Variants in NDST3 observed in about 807,000 individuals in gnomAD.
The protein encoded by NDST3 is bifunctional heparan sulfate N-deacetylase/N-sulfotransferase 3.
In NDST3, 58 loss-of-function variants were observed where a neutral mutation model predicts 96.1. That is an observed-to-expected ratio of 0.60 (90% CI 0.49 to 0.75). The LOEUF (loss-of-function observed/expected upper bound fraction) is 0.75. Among genes scored for constraint, NDST3 ranks in the 30% least tolerant of loss-of-function variants. The pLI is 0.00. For synonymous variants in NDST3, 333 were observed against 359.7 expected (o/e 0.93, Z 0.84); for missense variants, 788 against 1,034.2 (o/e 0.76, Z 3.27).
chr4:118,208,522 C>G (rs1341012612), intron 6 of NDST3, among the ~76,000 whole-genome samples: 1 of 144,288 alleles, frequency 6.9e-6, no homozygotes, highest in Non-Finnish European at 1.5e-5. Flanking sequence ...CTGAGGTTAT[C>G]TTTGTGACAA....
At chr4:118,053,121 A>G (rs940545054) in intron 1 of NDST3, among the ~76,000 whole-genome samples, 2 of 151,982 alleles carry the variant, frequency 1.3e-5, no homozygotes, top group Non-Finnish European at 2.9e-5. Context: ...CCTCATATTC[A>G]TCTTACCACA....
At chr4:118,210,051 A>G (rs28576396) in intron 6 of NDST3, among the ~76,000 whole-genome samples, 1,794 of 152,288 alleles carry the variant, frequency 0.012, 31 homozygotes, top group African/African-American at 0.041. Flanking sequence ...ACATGCCAAA[A>G]TTTCTAACAC....
chr4:118,173,982 T>C (rs775217170), intron 6 of NDST3, among the ~76,000 whole-genome samples: 47 of 152,224 alleles, frequency 3.1e-4, no homozygotes, highest in Non-Finnish European at 6.3e-4. Context: ...AAGCAGTGAC[T>C]GGTTATTGAT....
intron 6 of NDST3, among the ~76,000 whole-genome samples, chr4:118,149,800 G>A (rs951129331): frequency 4.9e-4 from 75 of 151,968 alleles, no homozygotes; most frequent in African/African-American, 1.8e-3. Context: ...ATGTTGAATA[G>A]GAGTGGTGAA....
At chr4:118,086,198 A>T (rs1291106541) in intron 2 of NDST3, among the ~76,000 whole-genome samples, 2 of 152,148 alleles carry the variant, frequency 1.3e-5, no homozygotes, top group Non-Finnish European at 2.9e-5. Context: ...TTTCAATTTT[A>T]GCATCTTGCA....
chr4:118,052,973 T>A (rs1725167078), intron 1 of NDST3, among the ~76,000 whole-genome samples: 2 of 151,978 alleles, frequency 1.3e-5, no homozygotes, highest in African/African-American at 4.8e-5. Flanking sequence ...GTTTTTCACA[T>A]AATTACTAAA....
chr4:118,043,064 T>C (rs1037715060), intron 1 of NDST3, among the ~76,000 whole-genome samples: 1 of 152,190 alleles, frequency 6.6e-6, no homozygotes, highest in Non-Finnish European at 1.5e-5. Context: ...TCCACAGTAT[T>C]TACTACAGCA....
chr4:118,070,902 G>GT (rs1200407243), intron 2 of NDST3, among the ~76,000 whole-genome samples: 2 of 151,916 alleles, frequency 1.3e-5, no homozygotes, highest in African/African-American at 2.4e-5. Flanking sequence ...AAGGTGTTTG[G>GT]TTTTTTGTCC....
intron 8 of NDST3, among the ~76,000 whole-genome samples, chr4:118,230,391 C>T (rs1391979284): frequency 6.6e-6 from 1 of 151,880 alleles, no homozygotes; most frequent in Non-Finnish European, 1.5e-5. Flanking sequence ...CTGGCTAACA[C>T]GGTGAAATCC....
intron 6 of NDST3, among the ~76,000 whole-genome samples, chr4:118,147,396 A>C (rs1034374707): frequency 1.3e-5 from 2 of 152,340 alleles, no homozygotes; most frequent in South Asian, 4.1e-4. Flanking sequence ...AGATTTCTAC[A>C]CAAACATGTA....
chr4:118,232,966 TTG>T, intron 8 of NDST3, 44 bp from the exon 9 acceptor site: 3 of 1,566,030 alleles, frequency 1.9e-6, no homozygotes, highest in Non-Finnish European at 2.6e-6. Context: ...TCATAGGAAA[TTG>T]TGTTTTCATT....
At chr4:118,059,654 G>GC (rs11384076) in intron 2 of NDST3, among the ~76,000 whole-genome samples, 114,307 of 146,802 alleles carry the variant, frequency 0.78, 45,671 homozygotes, top group South Asian at 0.92. Context: ...CCCCAGCTAA[G>GC]GGAAGCCAGA....
intron 3 of NDST3, among the ~76,000 whole-genome samples, chr4:118,108,810 A>T (rs1730411333): frequency 6.6e-6 from 1 of 152,192 alleles, no homozygotes; most frequent in South Asian, 2.1e-4. Flanking sequence ...TAACATAAGA[A>T]GCGTGGAAGC....
intron 1 of NDST3, among the ~76,000 whole-genome samples, chr4:118,043,556 C>T (rs1560604580): frequency 6.6e-6 from 1 of 152,206 alleles, no homozygotes; most frequent in African/African-American, 2.4e-5. Flanking sequence ...GCAATTGTGG[C>T]GAGGAGCTTA....
At chr4:118,248,362 A>G (rs1741455242) in intron 12 of NDST3, among the ~76,000 whole-genome samples, 1 of 151,014 alleles carries the variant, frequency 6.6e-6, no homozygotes, top group Non-Finnish European at 1.5e-5. Context: ...AAAAAAAGAA[A>G]AAAAAAAGTC....
chr4:118,228,969 A>T lies in NDST3; in HGVS notation c.1819+1987A>T, dbSNP rs967554123. The stretch of plus-strand genomic sequence containing the variant: ...TAGTTTCTCATATCAGTTACATGAG[A>T]ATTAAATAGCTTCATTTTTAACTGT... On this transcript the variant is annotated intron_variant, in intron 8 of 13. Transcript: ENST00000296499. Among the ~76,000 whole-genome samples, 3 of 152,318 alleles carry T rather than the reference A, an allele frequency of 2.0e-5. No individual in the cohort carries two copies. In the East Asian group the frequency reaches 5.8e-4, roughly 29 times the overall value.
At chr4:118,237,252 A>G (rs1218822690) in intron 10 of NDST3, 32 bp downstream of exon 10, 2 of 1,572,110 alleles carry the variant, frequency 1.3e-6, no homozygotes, top group Non-Finnish European at 8.7e-7. Flanking sequence ...TCCAACAGGG[A>G]GAAGTGGAGT....
intron 3 of NDST3, among the ~76,000 whole-genome samples, chr4:118,111,004 T>C (rs1730589991): frequency 6.6e-6 from 1 of 152,176 alleles, no homozygotes; most frequent in African/African-American, 2.4e-5. Context: ...AATGAAATCA[T>C]GTCCTTTGCA....
intron 6 of NDST3, among the ~76,000 whole-genome samples, chr4:118,204,946 TTCAC>T (rs1738336699): frequency 6.9e-6 from 1 of 144,604 alleles, no homozygotes; most frequent in Non-Finnish European, 1.5e-5. Context: ...TTTCTTAGTA[TTCAC>T]TCACTCTATA....
Sources: gnomAD v4.1 joint callset for allele counts (sites outside exome capture counted in the v4.1 genomes callset) on GRCh38, gnomAD v4.1.1 for gene constraint, MANE v1.5 for transcripts, NCBI Gene and HGNC (gene_info 2026-07-23, HGNC 2026-07-21) for gene names.